The following KLHL10 variants were observed in gnomAD, a reference collection of about 807,000 sequenced individuals.
The protein encoded by KLHL10 is kelch-like protein 10.
KLHL10 carries 11 observed loss-of-function variants against 46.6 expected under a neutral mutation model. The ratio of observed to expected loss-of-function variants is 0.24; its 90% confidence interval spans 0.15 to 0.39. The LOEUF (loss-of-function observed/expected upper bound fraction) is 0.39. KLHL10 is among the 10% of genes least tolerant of loss of function. KLHL10 has a pLI of 1.00. For missense variants in KLHL10, 475 were observed against 789.8 expected (o/e 0.60, Z 4.78); for synonymous variants, 254 against 279.1 (o/e 0.91, Z 0.90).
chr17:41,845,934 G>A (rs954290352), intron 3 of KLHL10, 191 bp downstream of exon 3: 13 of 780,812 alleles, frequency 1.7e-5, no homozygotes, highest in Admixed American at 4.8e-5. Flanking sequence ...ATGCAAAGCC[G>A]GGCACGGTGG....
upstream of KLHL10, chr17:41,836,227 A>G (rs1597928857): frequency 6.5e-6 from 8 of 1,231,590 alleles, no homozygotes; most frequent in Non-Finnish European, 7.1e-6. Context: ...CTCGCGGGAC[A>G]ACGACAGCCC....
upstream of KLHL10, chr17:41,836,577 C>T (rs1555620108): frequency 4.8e-6 from 2 of 418,680 alleles, no homozygotes; most frequent in African/African-American, 4.3e-5. Flanking sequence ...AATCCCAGGA[C>T]TTTGGGAGGC....
rs782590280 is a variant in KLHL10, at chr17:41,845,766, G to A, written c.1302+23G>A. ...AAGGTAAAGGACCAGGGTGGGAGGG[G>A]AAGATGTGGATGCAAAGTACAAGAC... On this transcript the variant is annotated intron_variant, in intron 3 of 4. Transcript: ENST00000293303. The A allele has an allele frequency of 4.3e-6, 7 of 1,613,832 alleles. No homozygotes were observed. In the Admixed American group the frequency reaches 5.0e-5, roughly 12 times the overall value.
intron 4 of KLHL10, 132 bp from the exon 5 acceptor site, chr17:41,847,801 G>A (rs910779673): frequency 1.1e-5 from 14 of 1,283,966 alleles, no homozygotes; most frequent in South Asian, 4.8e-5. Context: ...CACTGCACCC[G>A]GCTGAAAAGC....
upstream of KLHL10, chr17:41,836,132 G>T: frequency 2.3e-6 from 3 of 1,323,312 alleles, no homozygotes; most frequent in African/African-American, 3.1e-5. Context: ...AAGCGCCCCG[G>T]GGGTCGGAGT....
chr17:41,842,420 C>T, intron 2 of KLHL10, 108 bp downstream of exon 2: 2 of 1,340,112 alleles, frequency 1.5e-6, no homozygotes, highest in South Asian at 2.4e-5. Flanking sequence ...AGATAGAAGG[C>T]ATCTACTATT....
At chr17:41,847,848 A>G (rs782437656) in intron 4 of KLHL10, 85 bp from the exon 5 acceptor site, 315 of 1,542,708 alleles carry the variant, frequency 2.0e-4, no homozygotes, top group Non-Finnish European at 2.8e-4. Context: ...GGGAGTTATG[A>G]GATCACTGGT....
chr17:41,837,715 G>A (rs2048180235), upstream of KLHL10: 1 of 1,289,614 alleles, frequency 7.8e-7, no homozygotes, highest in Non-Finnish European at 1.0e-6. Flanking sequence ...GTAAGGAGGG[G>A]AGAAGGAAGA....
At chr17:41,843,633 T>C (rs1193726155) in intron 2 of KLHL10, among the ~76,000 whole-genome samples, 10 of 152,192 alleles carry the variant, frequency 6.6e-5, no homozygotes, top group Admixed American at 6.5e-4. Flanking sequence ...TTTCTTGGTC[T>C]AATAGTACTG....
chr17:41,838,834 G>A (rs1402768179), intron 1 of KLHL10, among the ~76,000 whole-genome samples: 4 of 150,218 alleles, frequency 2.7e-5, no homozygotes, highest in African/African-American at 7.4e-5. Context: ...GATTACAGGC[G>A]CCTGACACCA....
At chr17:41,835,749 G>T, upstream of KLHL10, 1 of 1,128,588 alleles carries the variant, frequency 8.9e-7, no homozygotes. Flanking sequence ...CATTTCTTGG[G>T]GCAGAGAGCT....
upstream of KLHL10, chr17:41,837,730 A>T (rs2048180301): frequency 3.7e-6 from 5 of 1,337,902 alleles, no homozygotes; most frequent in Non-Finnish European, 4.9e-6. Context: ...GGAAGAGGAC[A>T]AGTCCAGGAG....
At chr17:41,836,022 C>T (rs2048149809), upstream of KLHL10, 2 of 1,454,726 alleles carry the variant, frequency 1.4e-6, no homozygotes, top group Non-Finnish European at 1.8e-6. Flanking sequence ...GAGCCCGGGG[C>T]TCGCTCGGGC....
rs2048271792 is a variant in KLHL10 at position 41,845,210 on chromosome 17, C to G, written c.769C>G (p.Pro257Ala). ...DYVKDSEECK[P>A]VIINALKAMY... Reference sequence around the variant, plus strand: ...TGTCAAAGACAGTGAGGAATGCAAACCAGTCATCATTAATGCCCTAAAGGC... The same window carrying G: ...TGTCAAAGACAGTGAGGAATGCAAAGCAGTCATCATTAATGCCCTAAAGGC... Residue 257 changes from proline to alanine, a missense_variant, in exon 3 of 5, where the codon CCA becomes GCA. By Grantham distance (27) the Pro-to-Ala change is conservative. Coordinates refer to ENST00000293303, the MANE Select transcript of KLHL10 (RefSeq NM_152467.5). 2 of 1,614,178 alleles carry G rather than the reference C, an allele frequency of 1.2e-6. No homozygotes were observed. Among genetic ancestry groups the G allele is most frequent in the East Asian group, 4.5e-5 (2 of 44,888 alleles).
chr17:41,845,894 ACTGT>A, intron 3 of KLHL10, 151 bp downstream of exon 3: 1 of 1,010,578 alleles, frequency 9.9e-7, no homozygotes, highest in South Asian at 1.4e-5. Flanking sequence ...ACTAGTTGCA[ACTGT>A]CTTTTATGTT....
chr17:41,837,589 G>A (rs1041710632), upstream of KLHL10: 279 of 1,124,784 alleles, frequency 2.5e-4, 3 homozygotes, highest in Non-Finnish European at 4.4e-5. Flanking sequence ...CCTGTATCAG[G>A]TGAGTAACAG....
In KLHL10 at chr17:41,837,843, G is replaced by A; in HGVS notation, c.-90G>A. On this transcript the variant is annotated 5_prime_UTR_variant, in exon 1 of 5. Coordinates refer to ENST00000293303, the MANE Select transcript of KLHL10 (RefSeq NM_152467.5). ...AGACCCTATACAAAAGATGTAGTAG[G>A]GAAAAGGAGCGACAGCTGGCTAAAG... 6.3e-7 allele frequency: 1 copy of A among 1,595,642 alleles called. No individual in the cohort carries two copies. Among genetic ancestry groups the A allele is most frequent in the Non-Finnish European group, 8.5e-7 (1 of 1,176,034 alleles).
chr17:41,838,055 G>C lies in KLHL10; in HGVS notation c.123G>C (p.Val41=). Residue 41 remains valine (V), a synonymous_variant, in exon 1 of 5, where the codon GTG becomes GTC. Transcript: ENST00000293303. ...GACTAGAGGGCAAGCTCTGCGACGT[G>C]GTCATCAAGGTCAATGGCTTTGAGT... ...ELRLEGKLCD[V]VIKVNGFEFS... The C allele has an allele frequency of 5.6e-6, 9 of 1,613,992 alleles. No homozygotes were observed. Among genetic ancestry groups the C allele is most frequent in the Non-Finnish European group, 7.6e-6 (9 of 1,179,988 alleles).
At chr17:41,841,757 TTCCAATGTAC>T in intron 1 of KLHL10, 56 bp from the exon 2 acceptor site, 1 of 1,604,298 alleles carries the variant, frequency 6.2e-7, no homozygotes, top group Non-Finnish European at 8.5e-7. Flanking sequence ...CTCAGACCAT[TTCCAATGTAC>T]TCACCTAACA....
Sources: gnomAD v4.1 joint callset for allele counts (sites outside exome capture counted in the v4.1 genomes callset) on GRCh38, gnomAD v4.1.1 for gene constraint, MANE v1.5 for transcripts, NCBI Gene and HGNC (gene_info 2026-07-23, HGNC 2026-07-21) for gene names.